Variants in TUSC3 observed in about 807,000 individuals in gnomAD.
The protein encoded by TUSC3 is tumor suppressor candidate 3, also known as dolichyl-diphosphooligosaccharide--protein glycosyltransferase subunit TUSC3.
TUSC3 carries 45 observed loss-of-function variants against 44.8 expected under a neutral mutation model. That is an observed-to-expected ratio of 1.00 (90% CI 0.79 to 1.29). TUSC3 has a LOEUF of 1.29. TUSC3 is among the 50% of genes most tolerant of loss of function. The pLI is 0.00. For missense variants in TUSC3, 519 were observed against 437.9 expected (o/e 1.19, Z -1.65); for synonymous variants, 212 against 152.9 (o/e 1.39, Z -2.85).
intron 1 of TUSC3, among the ~76,000 whole-genome samples, chr8:15,470,720 T>A (rs1563259652): frequency 6.6e-6 from 1 of 152,170 alleles, no homozygotes; most frequent in Non-Finnish European, 1.5e-5. Context: ...AAAGCCACTG[T>A]CTCAGTGGAG....
intron 2 of TUSC3, among the ~76,000 whole-genome samples, chr8:15,526,040 C>CTT (rs370748759): frequency 2.7e-5 from 4 of 148,104 alleles, no homozygotes; most frequent in South Asian, 2.1e-4. Flanking sequence ...GGAGATTCAT[C>CTT]TTTTTTTTTT....
chr8:15,558,843 G>A (rs1173215385), intron 1 of TUSC3, among the ~76,000 whole-genome samples: 3 of 149,648 alleles, frequency 2.0e-5, no homozygotes, highest in Admixed American at 6.7e-5. Flanking sequence ...CTGTGGGATC[G>A]GTGGTGATAT....
intron 1 of TUSC3, among the ~76,000 whole-genome samples, chr8:15,481,272 G>T (rs922182903): frequency 6.6e-6 from 1 of 151,596 alleles, no homozygotes; most frequent in African/African-American, 2.4e-5. Context: ...AAAAAAAGTG[G>T]GGTCTTTAAG....
intron 6 of TUSC3, among the ~76,000 whole-genome samples, chr8:15,724,778 A>G (rs1208777713): frequency 6.6e-6 from 1 of 152,196 alleles, no homozygotes; most frequent in African/African-American, 2.4e-5. Context: ...AGGGTGAAAG[A>G]AAATAGATGG....
intron 7 of TUSC3, among the ~76,000 whole-genome samples, chr8:15,738,827 C>CTTTTTTTTTTCTTTCTTTT (rs1373248681): frequency 0.12 from 10,832 of 86,964 alleles, 2,053 homozygotes; most frequent in Admixed American, 0.18. Flanking sequence ...ATATATCTTG[C>CTTTTTTTTTTCTTTCTTTT]TTTTTTTTTT....
At chr8:15,457,850 TAATAATTATCTAATA>T (rs1800279771) in intron 1 of TUSC3, among the ~76,000 whole-genome samples, 1 of 37,982 alleles carries the variant, frequency 2.6e-5, no homozygotes, top group Admixed American at 3.1e-4. Context: ...ATTAATTATC[TAATAATTATCTAATA>T]AATTAATTAG....
chr8:15,576,581 GAT>G (rs554334819), intron 1 of TUSC3, among the ~76,000 whole-genome samples: 109 of 146,102 alleles, frequency 7.5e-4, no homozygotes, highest in Non-Finnish European at 1.1e-3. Flanking sequence ...TTGTTCTTGT[GAT>G]AGTTTACTGA....
intron 1 of TUSC3, among the ~76,000 whole-genome samples, chr8:15,442,649 C>A (rs745833569): frequency 1.3e-5 from 2 of 152,170 alleles, no homozygotes. Flanking sequence ...GACACCTCCC[C>A]CAACCCCTTT....
chr8:15,562,112 C>G (rs531388924), intron 1 of TUSC3, among the ~76,000 whole-genome samples: 2 of 152,252 alleles, frequency 1.3e-5, no homozygotes, highest in East Asian at 3.9e-4. Context: ...ATGCAGGAGT[C>G]TAGCTTCAGA....
At chr8:15,714,910 C>G (rs1028965807) in intron 6 of TUSC3, among the ~76,000 whole-genome samples, 4 of 152,106 alleles carry the variant, frequency 2.6e-5, no homozygotes, top group African/African-American at 7.2e-5. Flanking sequence ...ATTTCTTCCT[C>G]TTTATAACTC....
chr8:15,594,224 C>T (rs1177513349), intron 1 of TUSC3, among the ~76,000 whole-genome samples: 1 of 151,996 alleles, frequency 6.6e-6, no homozygotes, highest in Non-Finnish European at 1.5e-5. Flanking sequence ...TTAATTCCTT[C>T]TGCTGTATTT....
chr8:15,743,380 C>G, intron 7 of TUSC3, 158 bp from the exon 8 acceptor site: 1 of 757,020 alleles, frequency 1.3e-6, no homozygotes, highest in South Asian at 1.6e-5. Context: ...TATTTGCTCA[C>G]AAAGAATGGT....
chr8:15,666,925 T>A (rs2129181412), intron 5 of TUSC3, among the ~76,000 whole-genome samples: 1 of 151,610 alleles, frequency 6.6e-6, no homozygotes, highest in East Asian at 1.9e-4. Flanking sequence ...ACTTAATATA[T>A]CTAATTCTTA....
At chr8:15,582,696 A>G (rs1016384064) in intron 1 of TUSC3, among the ~76,000 whole-genome samples, 6 of 152,196 alleles carry the variant, frequency 3.9e-5, no homozygotes, top group African/African-American at 1.2e-4. Context: ...ATTCTCTGCA[A>G]GCCTGCTGCT....
chr8:15,719,553 C>A (rs923060069), intron 6 of TUSC3, among the ~76,000 whole-genome samples: 1 of 150,164 alleles, frequency 6.7e-6, no homozygotes, highest in Non-Finnish European at 1.5e-5. Context: ...CACACAGCCC[C>A]ATGAGACTAG....
chr8:15,458,021 G>T (rs1213683623), intron 1 of TUSC3, among the ~76,000 whole-genome samples: 1 of 151,720 alleles, frequency 6.6e-6, no homozygotes, highest in Non-Finnish European at 1.5e-5. Context: ...AAGTTAAAAA[G>T]GCCAAATAAT....
chr8:15,424,280 G>T (rs1799777764), intron 1 of TUSC3, among the ~76,000 whole-genome samples: 1 of 151,832 alleles, frequency 6.6e-6, no homozygotes, highest in Non-Finnish European at 1.5e-5. Flanking sequence ...ATCAGAGAAG[G>T]TGGTCCCTGG....
At chr8:15,713,729 T>C (rs555356049) in intron 6 of TUSC3, among the ~76,000 whole-genome samples, 2 of 152,104 alleles carry the variant, frequency 1.3e-5, no homozygotes, top group South Asian at 2.1e-4. Flanking sequence ...ATGCCAATTA[T>C]ATTGGATTAG....
In TUSC3 at chr8:15,695,456, A is replaced by G. The variant is rs185045439; in HGVS notation, c.798+21620A>G. 1.7e-4 allele frequency among the ~76,000 whole-genome samples: 26 copies of G among 152,288 alleles called. No individual in the cohort carries two copies. The East Asian group carries it at 3.9e-3, about 23-fold the overall frequency. On this transcript the variant is annotated intron_variant, in intron 6 of 10. Transcript: ENST00000503731. ...TCACATGGAACTGTAAGTCCATTAA[A>G]CCTCTTTTTCTTCCCAGGCTTGGGT...
Sources: allele counts gnomAD v4.1 joint callset (sites outside exome capture counted in the v4.1 genomes callset), GRCh38; gene constraint gnomAD v4.1.1; transcripts MANE v1.5; gene names NCBI Gene and HGNC (gene_info 2026-07-23, HGNC 2026-07-21).